FRMD4B: variants seen among roughly 807,000 people sequenced by gnomAD.
FRMD4B encodes the protein FERM domain-containing protein 4B.
Under a neutral mutation model 141.5 loss-of-function variants are expected in FRMD4B, and 74 were observed. The observed-to-expected ratio is 0.52, with a 90% confidence interval of 0.43 to 0.63. The LOEUF is 0.63. FRMD4B is among the 30% of genes least tolerant of loss of function. The pLI is 0.00. For missense variants in FRMD4B, 1,366 were observed against 1,253.4 expected (o/e 1.09, Z -1.36); for synonymous variants, 506 against 467.9 (o/e 1.08, Z -1.05).
At chr3:69,484,684 ATAGCTC>A (rs1206834425) in intron 1 of FRMD4B, among the ~76,000 whole-genome samples, 2 of 151,734 alleles carry the variant, frequency 1.3e-5, no homozygotes, top group African/African-American at 4.8e-5. Context: ...AGCAGAGAGG[ATAGCTC>A]CTCTCTGCTG....
chr3:69,385,067 T>TAAA (rs111527962), intron 1 of FRMD4B, among the ~76,000 whole-genome samples: 8 of 140,916 alleles, frequency 5.7e-5, no homozygotes, highest in African/African-American at 1.8e-4. Context: ...AATTACTGTC[T>TAAA]AAAAAAAAAA....
rs563363084 is a variant in FRMD4B, at chr3:69,434,324, TGTATTCTGCTAATGCTTCTAGA to T, written c.-128-1585_-128-1564del. ...CATATGCTATGCCAGGCACATCACTTGTATTCTGCTAATGCTTCTAGAAACTCCAAAGATAATATGGATGCTA... is the reference window on the plus strand; with the variant it reads ...CATATGCTATGCCAGGCACATCACTTAACTCCAAAGATAATATGGATGCTA... On this transcript the variant is annotated intron_variant, in intron 1 of 5. Transcript: ENST00000459638. 1.6e-3 allele frequency among the ~76,000 whole-genome samples: 242 copies of T among 152,336 alleles called. 2 individuals carry two copies. Among genetic ancestry groups the T allele is most frequent in the Middle Eastern group, 3.4e-3 (1 of 294 alleles).
At chr3:69,325,078 A>AG (rs1325840952) in intron 1 of FRMD4B, among the ~76,000 whole-genome samples, 40 of 129,828 alleles carry the variant, frequency 3.1e-4, no homozygotes, top group African/African-American at 1.3e-3. Flanking sequence ...TACTGTCTAA[A>AG]AAAAAAAAAA....
Position 69,250,072 on chromosome 3 carries a change from T to C in FRMD4B, c.529A>G (p.Ile177Val), listed in dbSNP as rs2093451551. 1.2e-6 allele frequency: 2 copies of C among 1,611,132 alleles called. No individual in the cohort carries two copies. The highest frequency in any genetic ancestry group is 1.1e-5 in the South Asian group (1 of 91,030). Reference sequence around the variant, plus strand: ...AAAATAAACGCTGCTAACTTGAAGATGGTTTCGCTCTCTACTTCGATTTGC... The same window carrying C: ...AAAATAAACGCTGCTAACTTGAAGACGGTTTCGCTCTCTACTTCGATTTGC... ...KGQIEVESET[I>V]FKLAAFILQE... Residue 177 changes from isoleucine (I) to valine (V), a missense_variant, in exon 6 of 23, where the codon ATC becomes GTC. By Grantham distance (29) the Ile-to-Val change is conservative (BLOSUM62 3). Transcript: ENST00000398540.
chr3:69,197,116 G>A, intron 12 of FRMD4B, 78 bp from the exon 13 acceptor site: 1 of 1,214,638 alleles, frequency 8.2e-7, no homozygotes, highest in Non-Finnish European at 1.2e-6. Flanking sequence ...GAGCAGCATT[G>A]TAACAAAGCA....
intron 14 of FRMD4B, 109 bp from the exon 15 acceptor site, chr3:69,195,473 C>A: frequency 1.2e-6 from 1 of 820,380 alleles, no homozygotes; most frequent in East Asian, 2.8e-5. Flanking sequence ...TAGTTTATTT[C>A]TTTTCTCCTT....
intron 8 of FRMD4B, among the ~76,000 whole-genome samples, chr3:69,224,059 A>G (rs1265970859): frequency 2.0e-5 from 3 of 152,228 alleles, no homozygotes; most frequent in Non-Finnish European, 4.4e-5. Context: ...GAAACCAAGG[A>G]GAATATATTT....
intron 11 of FRMD4B, 70 bp from the exon 12 acceptor site, chr3:69,198,844 T>C: frequency 2.6e-6 from 2 of 765,784 alleles, no homozygotes; most frequent in Non-Finnish European, 4.6e-6. Flanking sequence ...ATCAGCTTAA[T>C]AATCAAACAA....
chr3:69,223,530 A>G (rs1231448323), intron 8 of FRMD4B, among the ~76,000 whole-genome samples: 1 of 152,030 alleles, frequency 6.6e-6, no homozygotes, highest in Non-Finnish European at 1.5e-5. Context: ...ATAAAATAAA[A>G]TAAAAATAGA....
Position 69,322,595 on chromosome 3 carries a change from T to TC in FRMD4B, c.163-9079_163-9078insG, listed in dbSNP as rs1491418428. Reference sequence around the variant, plus strand: ...CATTGTTTAGATTTTTCTCTCTCTCTTTTTTTTTTTTTTTTTTTTGAGACA... The same window carrying TC: ...CATTGTTTAGATTTTTCTCTCTCTCTCTTTTTTTTTTTTTTTTTTTGAGACA... On this transcript the variant is annotated intron_variant, in intron 1 of 22. Coordinates refer to ENST00000398540, the MANE Select transcript of FRMD4B (RefSeq NM_015123.3). Among the ~76,000 whole-genome samples the TC allele has an allele frequency of 2.0e-4, 10 of 49,578 alleles. No homozygotes were observed. The East Asian group carries it at 2.8e-3, about 14-fold the overall frequency. 32.5% of individuals were successfully genotyped at this position (49,578 alleles called of 152,430 possible).
chr3:69,270,395 G>T (rs1011595574), intron 5 of FRMD4B, among the ~76,000 whole-genome samples: 1 of 152,168 alleles, frequency 6.6e-6, no homozygotes, highest in Non-Finnish European at 1.5e-5. Context: ...CTGTGTGTGA[G>T]AAAAATAGAT....
chr3:69,171,747 C>G lies in FRMD4B; in HGVS notation c.*114G>C, dbSNP rs1425390694. 1 of 1,011,702 alleles carries G rather than the reference C, an allele frequency of 9.9e-7. No homozygotes were observed. Among genetic ancestry groups the G allele is most frequent in the Non-Finnish European group, 1.5e-6 (1 of 672,058 alleles). The allele number at this position is 1,011,702 out of a possible 1,614,324, so 62.7% of individuals were successfully genotyped here. A position where few individuals can be genotyped will look rare whatever the true frequency, so the allele number is the denominator to read the frequency against. ...TTCCAGGGCAACTAAGTCTTCTCTT[C>G]AACCTTTGATGTCTTTAGGTTTCTA... On this transcript the variant is annotated 3_prime_UTR_variant, in exon 23 of 23. Coordinates refer to ENST00000398540, the MANE Select transcript of FRMD4B (RefSeq NM_015123.3).
chr3:69,210,579 T>C (rs1332799591), intron 11 of FRMD4B, among the ~76,000 whole-genome samples: 1 of 152,214 alleles, frequency 6.6e-6, no homozygotes, highest in Non-Finnish European at 1.5e-5. Flanking sequence ...GCTTATTGTC[T>C]TAATTTTTAA....
chr3:69,401,672 C>G (rs1704566175), intron 2 of FRMD4B, among the ~76,000 whole-genome samples: 1 of 152,152 alleles, frequency 6.6e-6, no homozygotes, highest in Non-Finnish European at 1.5e-5. Context: ...ACCTCAGCCT[C>G]CTGATTAGCT....
chr3:69,216,523 T>G (rs569716286), intron 10 of FRMD4B, among the ~76,000 whole-genome samples, 174 bp from the exon 11 acceptor site: 2 of 150,820 alleles, frequency 1.3e-5, no homozygotes, highest in East Asian at 3.9e-4. Flanking sequence ...TCTCTGCCTC[T>G]GGGTTTGAGC....
chr3:69,314,362 T>C (rs1362370505), intron 1 of FRMD4B, among the ~76,000 whole-genome samples: 2 of 149,750 alleles, frequency 1.3e-5, no homozygotes, highest in African/African-American at 2.5e-5. Context: ...ACCCCGTCTC[T>C]ACTAAAACTA....
chr3:69,511,854 A>T (rs1187693652), intron 1 of FRMD4B, among the ~76,000 whole-genome samples: 1 of 152,222 alleles, frequency 6.6e-6, no homozygotes, highest in Non-Finnish European at 1.5e-5. Flanking sequence ...TTTCCCTCGT[A>T]TGTCCCTTGG....
chr3:69,322,594 CTTTTTTT>C (rs771521331), intron 1 of FRMD4B, among the ~76,000 whole-genome samples: 1 of 81,408 alleles, frequency 1.2e-5, no homozygotes, highest in Non-Finnish European at 3.0e-5. Flanking sequence ...TTCTCTCTCT[CTTTTTTT>C]TTTTTTTTTT....
chr3:69,235,197 A>ATAT (rs1553706977), intron 7 of FRMD4B, among the ~76,000 whole-genome samples: 2 of 141,104 alleles, frequency 1.4e-5, no homozygotes, highest in Non-Finnish European at 3.1e-5. Flanking sequence ...AATAATAATA[A>ATAT]TATTTTCAAG....
Sources: allele counts gnomAD v4.1 joint callset (sites outside exome capture counted in the v4.1 genomes callset), GRCh38; gene constraint gnomAD v4.1.1; transcripts MANE v1.5; gene names NCBI Gene and HGNC (gene_info 2026-07-23, HGNC 2026-07-21).